DHRSX: variants seen among roughly 807,000 people sequenced by gnomAD.
DHRSX encodes dehydrogenase/reductase X-linked.
A neutral mutation model predicts 34.0 loss-of-function variants in DHRSX; 31 were observed. The ratio of observed to expected loss-of-function variants is 0.91; its 90% CI spans 0.69 to 1.23. The LOEUF (loss-of-function observed/expected upper bound fraction) is 1.23. DHRSX is among the 50% of genes most tolerant of loss of function. The probability of loss-of-function intolerance (pLI) is 0.00; values close to 1 mark genes in which losing one functional copy is unlikely to be tolerated. For missense variants in DHRSX, 414 were observed against 428.1 expected (o/e 0.97, Z 0.29); for synonymous variants, 201 against 183.8 (o/e 1.09, Z -0.76).
chrX:2,317,301 G>C (rs1286801742), intron 3 of DHRSX, among the ~76,000 whole-genome samples: 1 of 138,374 alleles, frequency 7.2e-6, no homozygotes, highest in Non-Finnish European at 1.5e-5. Context: ...GCCCAGGCTA[G>C]AGTGCAGTGG....
intron 3 of DHRSX, among the ~76,000 whole-genome samples, chrX:2,383,691 G>C (rs1002417215): frequency 2.0e-5 from 3 of 152,156 alleles, no homozygotes; most frequent in Non-Finnish European, 4.4e-5. Context: ...GGGGAAATCA[G>C]TGACACAATT....
rs201401353 is a variant in DHRSX at position 2,383,367 on chromosome X, TATC to T, written c.286+25375_286+25377del. On this transcript the variant is annotated intron_variant, in intron 3 of 6. Transcript: ENST00000334651. The stretch of plus-strand genomic sequence containing the variant: ...ACATCAGCAGCAGCAGCATAATCAT[TATC>T]ATCACCATCATCACCATCGTCATGA... 2.2e-3 allele frequency among the ~76,000 whole-genome samples: 336 copies of T among 150,098 alleles called. 11 individuals are homozygous for T. In the East Asian group the frequency reaches 0.055, roughly 25 times the overall value.
rs1364811229 is a variant in DHRSX, at chrX:2,382,774, C to T, written c.286+25971G>A. Among the ~76,000 whole-genome samples the T allele has an allele frequency of 2.2e-3, 279 of 127,754 alleles. 19 individuals are homozygous for T. In the East Asian group the frequency reaches 0.026, roughly 12 times the overall value. 83.8% of individuals were successfully genotyped at this position (127,754 alleles called of 152,430 possible). On this transcript the variant is annotated intron_variant, in intron 3 of 6. Transcript: ENST00000334651. ...ATCACTATCATCATCATCATCATCACCATCACCATCATCACCATCATCATC... is the reference window on the plus strand; with the variant it reads ...ATCACTATCATCATCATCATCATCATCATCACCATCATCACCATCATCATC...
intron 2 of DHRSX, among the ~76,000 whole-genome samples, chrX:2,418,861 T>G (rs749822777): frequency 6.6e-6 from 1 of 152,178 alleles, no homozygotes; most frequent in Admixed American, 6.5e-5. Flanking sequence ...CTAGCATGGA[T>G]GGTCAAAACC....
intron 3 of DHRSX, among the ~76,000 whole-genome samples, chrX:2,329,733 G>A (rs1196949435): frequency 6.6e-6 from 1 of 152,120 alleles, no homozygotes; most frequent in East Asian, 1.9e-4. Flanking sequence ...ACATTAGTAT[G>A]ACCTTCAAAT....
intron 1 of DHRSX, among the ~76,000 whole-genome samples, chrX:2,483,448 T>C (rs767835669): frequency 6.6e-6 from 1 of 152,020 alleles, no homozygotes; most frequent in East Asian, 1.9e-4. Flanking sequence ...TTTGTATTTT[T>C]AGTAGGGATG....
chrX:2,334,642 A>G (rs1252555213), intron 3 of DHRSX: 2 of 152,156 alleles, frequency 1.3e-5, no homozygotes, highest in African/African-American at 2.4e-5. Context: ...TTTTGTAGAA[A>G]TGGCATCTTG....
intron 1 of DHRSX, among the ~76,000 whole-genome samples, chrX:2,466,746 C>T (rs2044502378): frequency 6.6e-6 from 1 of 152,000 alleles, no homozygotes; most frequent in Non-Finnish European, 1.5e-5. Flanking sequence ...ATGCAATTTA[C>T]CTGCGCACGT....
intron 5 of DHRSX, among the ~76,000 whole-genome samples, chrX:2,263,358 G>T (rs1200177374): frequency 6.6e-6 from 1 of 152,120 alleles, no homozygotes; most frequent in Non-Finnish European, 1.5e-5. Flanking sequence ...CCCTTCCACT[G>T]CTTGATGACA....
In DHRSX at chrX:2,284,354, TTTCA is replaced by T. The variant is rs200678600; in HGVS notation, c.388+7144_388+7147del. Reference sequence around the variant, plus strand: ...TGAATTCATTCATTCATTTGAATTCTTTCATTCATTCATTCACTCATTTGAATTC... The same window carrying T: ...TGAATTCATTCATTCATTTGAATTCTTTCATTCATTCACTCATTTGAATTC... On this transcript the variant is annotated intron_variant, in intron 4 of 6. Transcript: ENST00000334651. 4.9e-4 allele frequency among the ~76,000 whole-genome samples: 46 copies of T among 93,632 alleles called. No homozygotes were observed. The East Asian group carries it at 8.8e-3, about 18-fold the overall frequency. The allele number at this position is 93,632 out of a possible 152,430, so 61.4% of individuals were successfully genotyped here. A position where few individuals can be genotyped will look rare whatever the true frequency, so the allele number is the denominator to read the frequency against.
intron 5 of DHRSX, among the ~76,000 whole-genome samples, chrX:2,244,396 T>C (rs1300028157): frequency 6.6e-6 from 1 of 152,178 alleles, no homozygotes; most frequent in Non-Finnish European, 1.5e-5. Flanking sequence ...ACTTTTTCTA[T>C]GTATGCCTTA....
rs186825784 is a variant in DHRSX, at chrX:2,264,568, G to C, written c.596+2172C>G. Among the ~76,000 whole-genome samples the C allele has an allele frequency of 2.3e-3, 348 of 149,874 alleles. 1 individual carries two copies. Among genetic ancestry groups the C allele is most frequent in the African/African-American group, 8.1e-3 (329 of 40,550 alleles). On this transcript the variant is annotated intron_variant, in intron 5 of 6. Coordinates refer to ENST00000334651, the MANE Select transcript of DHRSX (RefSeq NM_145177.3). ...AGACGCAGAGAGCACAATGCCCAGAGCACCAGTGCCCACCAGATGCAGGGA... is the reference window on the plus strand; with the variant it reads ...AGACGCAGAGAGCACAATGCCCAGACCACCAGTGCCCACCAGATGCAGGGA...
At chrX:2,359,279 T>C (rs1376867347) in intron 3 of DHRSX, among the ~76,000 whole-genome samples, 1 of 152,230 alleles carries the variant, frequency 6.6e-6, no homozygotes, top group East Asian at 1.9e-4. Flanking sequence ...TCAATCATTC[T>C]GTCATAAAGA....
chrX:2,438,303 G>GTATACACA (rs1432143966), intron 1 of DHRSX, among the ~76,000 whole-genome samples: 1 of 58,072 alleles, frequency 1.7e-5, no homozygotes, highest in Non-Finnish European at 3.1e-5. Flanking sequence ...ATTACAGAAT[G>GTATACACA]CATACACACA....
At chrX:2,316,925 C>G (rs2042247425) in intron 3 of DHRSX, among the ~76,000 whole-genome samples, 1 of 152,252 alleles carries the variant, frequency 6.6e-6, no homozygotes, top group East Asian at 1.9e-4. Flanking sequence ...CCAGGAAAAA[C>G]AGACGCCAGT....
intron 5 of DHRSX, among the ~76,000 whole-genome samples, chrX:2,254,569 A>G (rs2041249675): frequency 6.6e-6 from 1 of 152,202 alleles, no homozygotes. Flanking sequence ...CTTGATAACT[A>G]TCATCTACAT....
intron 1 of DHRSX, among the ~76,000 whole-genome samples, chrX:2,458,551 T>C (rs1398692946): frequency 2.0e-5 from 3 of 152,142 alleles, no homozygotes; most frequent in African/African-American, 7.2e-5. Flanking sequence ...GACTGAAAGA[T>C]ACAATGTGAA....
chrX:2,304,915 T>C (rs1463348872), intron 3 of DHRSX, among the ~76,000 whole-genome samples: 2 of 152,006 alleles, frequency 1.3e-5, no homozygotes, highest in South Asian at 2.1e-4. Flanking sequence ...CATATGTTCA[T>C]TGCAGCACTA....
chrX:2,361,562 G>A (rs1401521584), intron 3 of DHRSX, among the ~76,000 whole-genome samples: 1 of 152,054 alleles, frequency 6.6e-6, no homozygotes, highest in Non-Finnish European at 1.5e-5. Flanking sequence ...TTTTCTTCTT[G>A]GTATTAATGA....
Sources: allele counts gnomAD v4.1 joint callset (sites outside exome capture counted in the v4.1 genomes callset), GRCh38; gene constraint gnomAD v4.1.1; transcripts MANE v1.5; gene names NCBI Gene and HGNC (gene_info 2026-07-23, HGNC 2026-07-21).